ZCCHC14: variants seen among roughly 807,000 people sequenced by gnomAD.
ZCCHC14 encodes zinc finger CCHC-type containing 14, also known as zinc finger CCHC domain-containing protein 14.
Under a neutral mutation model 85.0 loss-of-function variants are expected in ZCCHC14, and 16 were observed. The ratio of observed to expected loss-of-function variants is 0.19; its 90% CI spans 0.13 to 0.29. The LOEUF is 0.29. Among genes scored for constraint, ZCCHC14 ranks in the 10% least tolerant of loss-of-function variants. ZCCHC14 has a pLI of 1.00. For missense variants in ZCCHC14, 1,303 were observed against 1,443.5 expected (o/e 0.90, Z 1.58); for synonymous variants, 775 against 630.7 (o/e 1.23, Z -3.43).
intron 12 of ZCCHC14, chr16:87,411,271 T>C: frequency 8.7e-7 from 1 of 1,149,280 alleles, no homozygotes. Flanking sequence ...AGGGAGGCCC[T>C]GTCCACACTG....
intron 1 of ZCCHC14, among the ~76,000 whole-genome samples, chr16:87,487,926 A>T (rs1912587589): frequency 1.3e-5 from 2 of 151,868 alleles, no homozygotes; most frequent in Non-Finnish European, 2.9e-5. Context: ...GCAACGTCCA[A>T]AAAAGACACC....
chr16:87,456,834 C>G (rs1170017927), intron 2 of ZCCHC14, among the ~76,000 whole-genome samples: 1 of 152,064 alleles, frequency 6.6e-6, no homozygotes, highest in Admixed American at 6.6e-5. Context: ...CAAAGGGGTC[C>G]TAAGACCAAA....
At chr16:87,464,725 C>G (rs544476471) in intron 1 of ZCCHC14, among the ~76,000 whole-genome samples, 137 of 152,328 alleles carry the variant, frequency 9.0e-4, no homozygotes, top group Non-Finnish European at 1.5e-3. Context: ...TCCAACCAAG[C>G]CTTTATCGTA....
chr16:87,460,699 A>G (rs1011051496), intron 1 of ZCCHC14, among the ~76,000 whole-genome samples: 4 of 152,216 alleles, frequency 2.6e-5, no homozygotes, highest in Admixed American at 2.6e-4. Context: ...CCAAGAAAAA[A>G]AAAAGGAACT....
chr16:87,411,051 G>A lies in ZCCHC14; in HGVS notation c.3205+465C>T, dbSNP rs769920985. Reference sequence around the variant, plus strand: ...AAAAAATAGCGGAGATAAAACAGGAGGGAACGGAAGATGCAGCATGGCTGA... The same window carrying A: ...AAAAAATAGCGGAGATAAAACAGGAAGGAACGGAAGATGCAGCATGGCTGA... On this transcript the variant is annotated intron_variant, in intron 12 of 12. Transcript: ENST00000671377. 3.9e-5 allele frequency among the ~76,000 whole-genome samples: 6 copies of A among 152,236 alleles called. No homozygotes were observed. The East Asian group carries it at 9.6e-4, about 24-fold the overall frequency.
chr16:87,480,944 C>T (rs930302494), intron 1 of ZCCHC14, among the ~76,000 whole-genome samples: 4 of 152,258 alleles, frequency 2.6e-5, no homozygotes, highest in East Asian at 1.9e-4. Flanking sequence ...GAGGTGTGTA[C>T]GGACAGGCAG....
chr16:87,483,063 C>T (rs1488694609), intron 1 of ZCCHC14, among the ~76,000 whole-genome samples: 15 of 151,322 alleles, frequency 9.9e-5, no homozygotes, highest in Non-Finnish European at 1.9e-4. Context: ...GAAAAGAAAA[C>T]AACTGCATGG....
Position 87,492,929 on chromosome 16 carries a change from A to ACGG in ZCCHC14, c.-694_-692dup, listed in dbSNP as rs1305689686. ...GAGCGCGGCGGCGGCGGCGACGGCG[A>ACGG]CGGCGACGGCGACGGCGACGGCGGA... On this transcript the variant is annotated 5_prime_UTR_variant, in exon 1 of 13. Coordinates refer to ENST00000671377, the MANE Select transcript of ZCCHC14 (RefSeq NM_015144.3). The surrounding 1 kb of genome is among the most constrained non-coding windows in gnomAD (Gnocchi z 6.7). Among the ~76,000 whole-genome samples the ACGG allele has an allele frequency of 2.8e-5, 4 of 142,252 alleles. No individual in the cohort carries two copies. The highest frequency in any genetic ancestry group is 2.1e-4 in the Admixed American group (3 of 14,340). The allele number at this position is 142,252 out of a possible 152,430, so 93.3% of individuals were successfully genotyped here.
At chr16:87,446,942 C>T (rs995630691) in intron 2 of ZCCHC14, among the ~76,000 whole-genome samples, 1 of 152,116 alleles carries the variant, frequency 6.6e-6, no homozygotes, top group South Asian at 2.1e-4. Flanking sequence ...CTGCCTTGGC[C>T]TCAAGAAGTG....
intron 6 of ZCCHC14, 30 bp from the exon 7 acceptor site, chr16:87,418,931 A>G (rs900522313): frequency 1.3e-6 from 2 of 1,543,628 alleles, no homozygotes; most frequent in Non-Finnish European, 1.8e-6. Context: ...TACCATAAAA[A>G]TTTACAGACA....
chr16:87,448,045 C>G (rs1246023642), intron 2 of ZCCHC14, among the ~76,000 whole-genome samples: 1 of 152,110 alleles, frequency 6.6e-6, no homozygotes. Flanking sequence ...AGAAAAAAAC[C>G]TAATTGCATT....
intron 1 of ZCCHC14, among the ~76,000 whole-genome samples, chr16:87,482,053 T>C (rs762594790): frequency 5.1e-4 from 77 of 152,264 alleles, no homozygotes; most frequent in Non-Finnish European, 6.3e-4. Context: ...TATTACCTCA[T>C]TGTAATGGCA....
rs533414050 is a variant in ZCCHC14 at position 87,432,229 on chromosome 16, T to C, written c.768+899A>G. Among the ~76,000 whole-genome samples, 15 of 152,178 alleles carry C rather than the reference T, an allele frequency of 9.9e-5. No homozygotes were observed. The East Asian group carries it at 2.9e-3, about 30-fold the overall frequency. Reference sequence around the variant, plus strand: ...CGATGCACATGTGGTCCAAGGAGAATGTCCCCCTGTCAGGGTTCCTGACAG... The same window carrying C: ...CGATGCACATGTGGTCCAAGGAGAACGTCCCCCTGTCAGGGTTCCTGACAG... On this transcript the variant is annotated intron_variant, in intron 3 of 12. Transcript: ENST00000671377.
intron 1 of ZCCHC14, among the ~76,000 whole-genome samples, chr16:87,475,334 C>G (rs1054308258): frequency 3.3e-5 from 5 of 152,082 alleles, no homozygotes; most frequent in Non-Finnish European, 5.9e-5. Context: ...GGCGGATCAC[C>G]TGAGGTCAGA....
intron 3 of ZCCHC14, among the ~76,000 whole-genome samples, chr16:87,431,667 G>T (rs1438690589): frequency 6.6e-6 from 1 of 152,122 alleles, no homozygotes; most frequent in East Asian, 1.9e-4. Context: ...TGCGAAGACA[G>T]CTCCGTGCAC....
Position 87,411,266 on chromosome 16 carries a change from G to A in ZCCHC14, c.3205+250C>T, listed in dbSNP as rs1325444783. ...GAATCAGGACACGGCAGTCCAGGGA[G>A]GCCCTGTCCACACTGGCTAAGCACC... is the stretch of plus-strand genomic sequence containing the variant. On this transcript the variant is annotated intron_variant, in intron 12 of 12. Transcript: ENST00000671377. The A allele has an allele frequency of 6.6e-6, 7 of 1,053,916 alleles. No individual in the cohort carries two copies. The Admixed American group carries it at 2.0e-4, about 31-fold the overall frequency. The allele number at this position is 1,053,916 out of a possible 1,614,324, so 65.3% of individuals were successfully genotyped here. A position where few individuals can be genotyped will look rare whatever the true frequency, so the allele number is the denominator to read the frequency against.
chr16:87,458,743 G>C (rs780229012), intron 2 of ZCCHC14, among the ~76,000 whole-genome samples: 1 of 152,210 alleles, frequency 6.6e-6, no homozygotes, highest in Non-Finnish European at 1.5e-5. Flanking sequence ...GGGTGAGCGA[G>C]TGCGGCTCTG....
chr16:87,437,261 A>G (rs887940038), intron 2 of ZCCHC14, among the ~76,000 whole-genome samples: 1 of 143,190 alleles, frequency 7.0e-6, no homozygotes, highest in Non-Finnish European at 1.5e-5. Flanking sequence ...ACTTGACCCC[A>G]GGAGGCAGAG....
At chr16:87,448,117 C>T (rs751713981) in intron 2 of ZCCHC14, among the ~76,000 whole-genome samples, 4 of 152,202 alleles carry the variant, frequency 2.6e-5, no homozygotes, top group Non-Finnish European at 4.4e-5. Flanking sequence ...ATAATCTTCA[C>T]AATCATTAAC....
Sources: allele counts gnomAD v4.1 joint callset (sites outside exome capture counted in the v4.1 genomes callset), GRCh38; gene constraint gnomAD v4.1.1; non-coding constraint Gnocchi (gnomAD v3.1); transcripts MANE v1.5; gene names NCBI Gene and HGNC (gene_info 2026-07-23, HGNC 2026-07-21).